Variants in EPHA4 observed in about 807,000 individuals in gnomAD.
The protein encoded by EPHA4 is ephrin type-A receptor 4.
EPHA4 carries 19 observed loss-of-function variants against 108.3 expected under a neutral mutation model. That is an observed-to-expected ratio of 0.18 (90% CI 0.12 to 0.26). EPHA4 has a LOEUF of 0.26. EPHA4 is among the 10% of genes least tolerant of loss of function. The pLI, the probability that EPHA4 is intolerant of heterozygous loss-of-function variation, is 1.00. For synonymous variants in EPHA4, 449 were observed against 455.5 expected (o/e 0.99, Z 0.18); for missense variants, 917 against 1,254.0 (o/e 0.73, Z 4.06).
intron 4 of EPHA4, among the ~76,000 whole-genome samples, chr2:221,497,986 T>C (rs1692350410): frequency 6.6e-6 from 1 of 152,178 alleles, no homozygotes; most frequent in Non-Finnish European, 1.5e-5. Flanking sequence ...CTTTGCATCC[T>C]TAAGATAAAG....
chr2:221,559,427 T>G (rs1268624296), intron 3 of EPHA4, among the ~76,000 whole-genome samples: 1 of 152,198 alleles, frequency 6.6e-6, no homozygotes, highest in East Asian at 1.9e-4. Context: ...ACGAATCTTT[T>G]TGGCTGGGTG....
chr2:221,517,038 C>T (rs954067033), intron 3 of EPHA4, among the ~76,000 whole-genome samples: 1 of 152,182 alleles, frequency 6.6e-6, no homozygotes, highest in Non-Finnish European at 1.5e-5. Flanking sequence ...GCTGAGCGCT[C>T]CTACGTGTGC....
At chr2:221,557,930 G>A (rs1038459986) in intron 3 of EPHA4, among the ~76,000 whole-genome samples, 25 of 152,104 alleles carry the variant, frequency 1.6e-4, no homozygotes, top group Non-Finnish European at 4.4e-5. Context: ...ATCATTCAAT[G>A]TTTTAACAAA....
At chr2:221,467,138 C>T (rs1196748339) in intron 5 of EPHA4, among the ~76,000 whole-genome samples, 1 of 152,014 alleles carries the variant, frequency 6.6e-6, no homozygotes, top group Non-Finnish European at 1.5e-5. Context: ...AAGAATAAAA[C>T]AAAACAAATT....
At chr2:221,538,013 G>T (rs976878789) in intron 3 of EPHA4, among the ~76,000 whole-genome samples, 10 of 152,140 alleles carry the variant, frequency 6.6e-5, no homozygotes, top group Non-Finnish European at 1.5e-4. Flanking sequence ...AAAAGGGGGG[G>T]TTATACTTTA....
chr2:221,528,218 G>A (rs1168997787), intron 3 of EPHA4, among the ~76,000 whole-genome samples: 1 of 152,200 alleles, frequency 6.6e-6, no homozygotes, highest in African/African-American at 2.4e-5. Context: ...TATTAGCATT[G>A]TGGGAGAATG....
At chr2:221,462,680 G>C (rs1574583689) in intron 5 of EPHA4, among the ~76,000 whole-genome samples, 1 of 152,146 alleles carries the variant, frequency 6.6e-6, no homozygotes, top group Non-Finnish European at 1.5e-5. Context: ...CTGAGATATT[G>C]ACAATTGGGG....
upstream of EPHA4, chr2:221,572,322 G>T: frequency 7.2e-7 from 1 of 1,382,716 alleles, no homozygotes; most frequent in Non-Finnish European, 1.0e-6. Context: ...GAGAGCAGCG[G>T]GCTGAAGACA....
intron 4 of EPHA4, among the ~76,000 whole-genome samples, chr2:221,491,988 G>C (rs1033181499): frequency 6.6e-6 from 1 of 151,990 alleles, no homozygotes; most frequent in Non-Finnish European, 1.5e-5. Context: ...GGGAGACAGA[G>C]TGAGACTCTG....
intron 4 of EPHA4, among the ~76,000 whole-genome samples, chr2:221,499,738 ATATATATATATATATATAT>A (rs1488073648): frequency 1.9e-5 from 1 of 52,092 alleles, no homozygotes; most frequent in African/African-American, 1.1e-4. Context: ...ATATATATAT[ATATATATATATATATATAT>A]TTTTTTTTTT....
chr2:221,491,291 T>C (rs184397081), intron 4 of EPHA4, among the ~76,000 whole-genome samples: 3 of 152,356 alleles, frequency 2.0e-5, no homozygotes, highest in East Asian at 1.9e-4. Context: ...TAAAATTATC[T>C]AGCCTGTGCA....
At chr2:221,460,881 C>T (rs184543257) in intron 5 of EPHA4, among the ~76,000 whole-genome samples, 12 of 152,316 alleles carry the variant, frequency 7.9e-5, no homozygotes, top group African/African-American at 2.6e-4. Context: ...CATCCCTCTG[C>T]AGCTTGTAAG....
intron 3 of EPHA4, among the ~76,000 whole-genome samples, chr2:221,545,672 G>A (rs1693975537): frequency 6.6e-6 from 1 of 152,094 alleles, no homozygotes; most frequent in African/African-American, 2.4e-5. Flanking sequence ...TGCACCAATA[G>A]ATCAAGCCTA....
intron 3 of EPHA4, among the ~76,000 whole-genome samples, chr2:221,512,603 T>A (rs1692862447): frequency 6.6e-6 from 1 of 152,140 alleles, no homozygotes; most frequent in South Asian, 2.1e-4. Flanking sequence ...AGATAACAGG[T>A]CAGGGCACTG....
At chr2:221,475,823 C>T (rs187689098) in intron 5 of EPHA4, among the ~76,000 whole-genome samples, 253 of 152,284 alleles carry the variant, frequency 1.7e-3, no homozygotes, top group Non-Finnish European at 2.9e-3. Flanking sequence ...AGCCAATATT[C>T]GTGGGTTGTC....
intron 3 of EPHA4, among the ~76,000 whole-genome samples, chr2:221,534,086 A>G (rs1016665674): frequency 6.6e-6 from 1 of 152,228 alleles, no homozygotes; most frequent in Non-Finnish European, 1.5e-5. Flanking sequence ...GTAGGCAGGG[A>G]CTCAATTTCA....
At chr2:221,491,399 G>A (rs12613015) in intron 4 of EPHA4, among the ~76,000 whole-genome samples, 64,603 of 151,922 alleles carry the variant, frequency 0.43, 13,799 homozygotes, top group East Asian at 0.53. Flanking sequence ...CAATCTGATC[G>A]CCAAAAACTA....
At chr2:221,446,941 G>T (rs1690611388) in intron 8 of EPHA4, among the ~76,000 whole-genome samples, 1 of 152,130 alleles carries the variant, frequency 6.6e-6, no homozygotes. Context: ...ACTTTTAATA[G>T]CCTAAATTTG....
chr2:221,475,013 G>A (rs187075637), intron 5 of EPHA4, among the ~76,000 whole-genome samples: 158 of 152,192 alleles, frequency 1.0e-3, no homozygotes, highest in African/African-American at 3.7e-3. Context: ...TGGGATTACA[G>A]GCGTGCACCA....
Sources: gnomAD v4.1 joint callset for allele counts (sites outside exome capture counted in the v4.1 genomes callset) on GRCh38, gnomAD v4.1.1 for gene constraint, MANE v1.5 for transcripts, NCBI Gene and HGNC (gene_info 2026-07-23, HGNC 2026-07-21) for gene names.